Variants in EXOC2 observed in about 807,000 individuals in gnomAD.
The protein encoded by EXOC2 is exocyst complex component 2.
Under a neutral mutation model 131.8 loss-of-function variants are expected in EXOC2, and 70 were observed. The observed-to-expected ratio is 0.53, with a 90% CI of 0.44 to 0.65. The LOEUF (loss-of-function observed/expected upper bound fraction) is 0.65. Ranked by LOEUF, EXOC2 falls within the 30% of genes least tolerant of loss-of-function variation. EXOC2 has a pLI of 0.00. For missense variants in EXOC2, 923 were observed against 1,108.6 expected (o/e 0.83, Z 2.38); for synonymous variants, 411 against 398.4 (o/e 1.03, Z -0.38).
chr6:631,870 T>G lies in EXOC2; in HGVS notation c.295+1071A>C, dbSNP rs543079502. 3.3e-5 allele frequency among the ~76,000 whole-genome samples: 5 copies of G among 152,342 alleles called. No homozygotes were observed. The East Asian group carries it at 9.6e-4, about 29-fold the overall frequency. ...GTCCACTCTGAATTTTCCCTGAAAT[T>G]CCTTGAATTTTTATTTATAAAAATA... On this transcript the variant is annotated intron_variant, in intron 3 of 27. Transcript: ENST00000230449.
intron 6 of EXOC2, among the ~76,000 whole-genome samples, chr6:616,250 A>C (rs113509004): frequency 6.6e-6 from 1 of 152,238 alleles, no homozygotes; most frequent in Non-Finnish European, 1.5e-5. Flanking sequence ...ACACATATTT[A>C]TCAGGAAGAG....
intron 1 of EXOC2, among the ~76,000 whole-genome samples, chr6:691,152 A>G (rs1022231555): frequency 6.6e-6 from 1 of 152,148 alleles, no homozygotes; most frequent in Non-Finnish European, 1.5e-5. Flanking sequence ...AGAAATATTA[A>G]AAGTTCTTTG....
intron 26 of EXOC2, among the ~76,000 whole-genome samples, chr6:490,214 C>T (rs1263094210): frequency 2.6e-5 from 4 of 152,176 alleles, no homozygotes; most frequent in Non-Finnish European, 5.9e-5. Context: ...CAAAAGCTTG[C>T]CTAGAATATT....
chr6:573,441 G>T (rs1039733809), intron 12 of EXOC2, among the ~76,000 whole-genome samples: 11 of 152,146 alleles, frequency 7.2e-5, no homozygotes, highest in Non-Finnish European at 4.4e-5. Flanking sequence ...GGCCATGGCA[G>T]GGGCACTGCA....
At chr6:496,472 C>T (rs925037468) in intron 25 of EXOC2, among the ~76,000 whole-genome samples, 7 of 152,156 alleles carry the variant, frequency 4.6e-5, no homozygotes, top group Admixed American at 2.6e-4. Context: ...GGAGTGGAGT[C>T]GGACCATGCA....
chr6:564,006 G>T, intron 16 of EXOC2, 27 bp downstream of exon 16: 1 of 1,610,490 alleles, frequency 6.2e-7, no homozygotes, highest in South Asian at 1.1e-5. Context: ...ATTGCACAGT[G>T]AACGTCACCG....
intron 1 of EXOC2, among the ~76,000 whole-genome samples, chr6:668,117 G>C (rs1045343346): frequency 1.3e-5 from 2 of 152,178 alleles, no homozygotes; most frequent in Admixed American, 6.5e-5. Context: ...AACTGGAATA[G>C]GATATGTCTG....
At chr6:678,694 TGGG>T (rs1296217856) in intron 1 of EXOC2, among the ~76,000 whole-genome samples, 2 of 152,188 alleles carry the variant, frequency 1.3e-5, no homozygotes, top group Non-Finnish European at 2.9e-5. Context: ...AACCAGGGCA[TGGG>T]GCTCCAGGGC....
At chr6:614,421 G>A (rs1378030168) in intron 6 of EXOC2, among the ~76,000 whole-genome samples, 1 of 152,156 alleles carries the variant, frequency 6.6e-6, no homozygotes, top group African/African-American at 2.4e-5. Flanking sequence ...AATTCCACTG[G>A]GAGACTACTG....
intron 12 of EXOC2, 22 bp from the exon 13 acceptor site, chr6:572,666 T>C: frequency 1.9e-6 from 3 of 1,607,716 alleles, no homozygotes; most frequent in Non-Finnish European, 2.5e-6. Flanking sequence ...AAGAATAAAA[T>C]ACTATGATTG....
intron 6 of EXOC2, among the ~76,000 whole-genome samples, chr6:616,517 G>T (rs1315828382): frequency 6.8e-6 from 1 of 148,148 alleles, no homozygotes; most frequent in Non-Finnish European, 1.5e-5. Context: ...GCAGGAGAAT[G>T]GCGTGAACCC....
chr6:653,446 T>C (rs751968485), intron 1 of EXOC2, among the ~76,000 whole-genome samples: 1 of 152,202 alleles, frequency 6.6e-6, no homozygotes, highest in Non-Finnish European at 1.5e-5. Context: ...ATTGCTGATA[T>C]GGAGAAAGTG....
chr6:602,983 A>C (rs17135357), intron 7 of EXOC2, among the ~76,000 whole-genome samples: 17,108 of 152,242 alleles, frequency 0.11, 1,177 homozygotes, highest in East Asian at 0.15. Flanking sequence ...TAGTCCTGTA[A>C]TTCTGATGGT....
chr6:656,893 G>T (rs756578192), intron 1 of EXOC2: 1 of 1,596,498 alleles, frequency 6.3e-7, no homozygotes, highest in South Asian at 1.1e-5. Context: ...CCGCTGACGT[G>T]AATGAACAGC....
At chr6:570,135 TC>T in intron 13 of EXOC2, among the ~76,000 whole-genome samples, 1 of 29,348 alleles carries the variant, frequency 3.4e-5, no homozygotes, top group Non-Finnish European at 5.6e-5. Context: ...TAATTCTTTC[TC>T]TTTTTTTTTT....
At chr6:664,372 C>T (rs987481286) in intron 1 of EXOC2, among the ~76,000 whole-genome samples, 8 of 152,056 alleles carry the variant, frequency 5.3e-5, no homozygotes, top group African/African-American at 1.9e-4. Context: ...ACCATACTGT[C>T]AAAAGCAATC....
rs1364333821 is a variant in EXOC2 at position 485,559 on chromosome 6, G to A, written c.*1112C>T. The A allele has an allele frequency of 6.6e-6, 1 of 152,216 alleles. No homozygotes were observed. The highest frequency in any genetic ancestry group is 1.5e-5 in the Non-Finnish European group (1 of 68,044). 9.4% of individuals were successfully genotyped at this position (152,216 alleles called of 1,614,324 possible). On this transcript the variant is annotated 3_prime_UTR_variant, in exon 28 of 28. Coordinates refer to ENST00000230449, the MANE Select transcript of EXOC2 (RefSeq NM_018303.6). ...AATTCCTCTCTGAAAATTTTCAGATGCGACGGTATGAGGGAGTTGGGTGGG... is the reference window on the plus strand; with the variant it reads ...AATTCCTCTCTGAAAATTTTCAGATACGACGGTATGAGGGAGTTGGGTGGG...
intron 1 of EXOC2, among the ~76,000 whole-genome samples, chr6:652,373 G>A (rs1043528524): frequency 2.6e-5 from 4 of 152,064 alleles, no homozygotes; most frequent in Non-Finnish European, 4.4e-5. Context: ...CACTACCACA[G>A]GTGGAATTTA....
chr6:668,858 C>A (rs1461086283), intron 1 of EXOC2, among the ~76,000 whole-genome samples: 1 of 152,202 alleles, frequency 6.6e-6, no homozygotes, highest in African/African-American at 2.4e-5. Context: ...TGTAAGTTAT[C>A]AAACTGTATT....
Sources: gnomAD v4.1 joint callset for allele counts (sites outside exome capture counted in the v4.1 genomes callset) on GRCh38, gnomAD v4.1.1 for gene constraint, MANE v1.5 for transcripts, NCBI Gene and HGNC (gene_info 2026-07-23, HGNC 2026-07-21) for gene names.